LCOR: variants seen among roughly 807,000 people sequenced by gnomAD.
The protein encoded by LCOR is ligand-dependent corepressor.
Under a neutral mutation model 64.4 loss-of-function variants are expected in LCOR, and 14 were observed. That is an observed-to-expected ratio of 0.22 (90% confidence interval 0.14 to 0.34). The LOEUF (loss-of-function observed/expected upper bound fraction) is 0.34. Among genes scored for constraint, LCOR ranks in the 10% least tolerant of loss-of-function variants. The pLI, the probability that LCOR is intolerant of heterozygous loss-of-function variation, is 1.00. For missense variants in LCOR, 1,686 were observed against 1,765.3 expected, an observed-to-expected ratio of 0.96 and a Z score of 0.80; for synonymous variants, 643 against 642.5, an observed-to-expected ratio of 1.00 and a Z score of -0.01.
chr10:96,854,098 C>T (rs761947905), intron 2 of LCOR, among the ~76,000 whole-genome samples: 10 of 152,214 alleles, frequency 6.6e-5, no homozygotes, highest in South Asian at 2.1e-4. Flanking sequence ...GACAGAAATA[C>T]GCAAAGAATT....
intron 2 of LCOR, among the ~76,000 whole-genome samples, chr10:96,865,904 A>G (rs973420514): frequency 2.0e-4 from 31 of 151,826 alleles, no homozygotes; most frequent in African/African-American, 6.0e-4. Context: ...GGAAAAAGAA[A>G]TAGAGCACTG....
Position 96,984,387 on chromosome 10 carries a change from T to G in LCOR, c.3927T>G (p.Ile1309Met). The change falls in exon 8 of 8, where the codon ATT (isoleucine) becomes ATG (methionine). Residue 1309 changes from isoleucine (I) to methionine (M), a missense_variant. Ile to Met is a conservative substitution (Grantham distance 10). Coordinates refer to ENST00000421806, the MANE Select transcript of LCOR (RefSeq NM_001346516.2). ...ANLPTPASTR[I>M]LRKYSNIRGK... ...TGCCCACTCCAGCCAGTACCCGGATTCTTAGAAAATATTCCAATATTCGAG... is the reference window on the plus strand; with the variant it reads ...TGCCCACTCCAGCCAGTACCCGGATGCTTAGAAAATATTCCAATATTCGAG... 2 of 1,614,174 alleles carry G rather than the reference T, an allele frequency of 1.2e-6. No individual in the cohort carries two copies. The highest frequency in any genetic ancestry group is 1.7e-6 in the Non-Finnish European group (2 of 1,180,030).
At chr10:96,858,034 T>A (rs1491001600) in intron 2 of LCOR, among the ~76,000 whole-genome samples, 3 of 152,188 alleles carry the variant, frequency 2.0e-5, no homozygotes, top group Non-Finnish European at 4.4e-5. Context: ...AAATAAAAAC[T>A]AAGATGAGAA....
At chr10:96,869,237 G>C (rs927695645) in intron 2 of LCOR, among the ~76,000 whole-genome samples, 3 of 152,056 alleles carry the variant, frequency 2.0e-5, no homozygotes, top group African/African-American at 7.2e-5. Context: ...CGGGGGGTCA[G>C]AGTTGTGCTC....
intron 2 of LCOR, among the ~76,000 whole-genome samples, chr10:96,861,878 T>C (rs1367549082): frequency 6.6e-6 from 1 of 152,142 alleles, no homozygotes; most frequent in Non-Finnish European, 1.5e-5. Flanking sequence ...TACCTGGAGA[T>C]ACCATCAGAT....
At chr10:96,976,817 T>C (rs568258605) in intron 7 of LCOR, among the ~76,000 whole-genome samples, 2 of 152,362 alleles carry the variant, frequency 1.3e-5, no homozygotes, top group South Asian at 4.1e-4. Flanking sequence ...ATCTCATTAA[T>C]TCCAAGCACT....
chr10:96,890,432 A>G (rs929355909), intron 2 of LCOR, among the ~76,000 whole-genome samples: 3 of 152,178 alleles, frequency 2.0e-5, no homozygotes, highest in Admixed American at 6.5e-5. Flanking sequence ...AACCTTGCTG[A>G]ACCTGTTTAT....
At chr10:96,954,983 A>G (rs1847741923) in intron 7 of LCOR, 1 of 1,614,106 alleles carries the variant, frequency 6.2e-7, no homozygotes, top group Non-Finnish European at 8.5e-7. Flanking sequence ...AGTACCGCCC[A>G]GACGGACTTC....
At chr10:96,872,917 C>CT (rs1846096324) in intron 2 of LCOR, among the ~76,000 whole-genome samples, 1 of 151,560 alleles carries the variant, frequency 6.6e-6, no homozygotes, top group African/African-American at 2.4e-5. Context: ...AAAACAGTAA[C>CT]TATGTTTTTT....
At chr10:96,883,996 A>G (rs1039381766) in intron 2 of LCOR, among the ~76,000 whole-genome samples, 1 of 152,170 alleles carries the variant, frequency 6.6e-6, no homozygotes, top group Non-Finnish European at 1.5e-5. Flanking sequence ...TGGTTATTAC[A>G]TATACCATAT....
chr10:96,887,260 A>G (rs541798191), intron 2 of LCOR, among the ~76,000 whole-genome samples: 1 of 152,238 alleles, frequency 6.6e-6, no homozygotes, highest in African/African-American at 2.4e-5. Flanking sequence ...AATGCCCACA[A>G]TGAAACAGTG....
intron 4 of LCOR, among the ~76,000 whole-genome samples, chr10:96,937,725 G>A (rs941206710): frequency 6.6e-6 from 1 of 152,100 alleles, no homozygotes; most frequent in Non-Finnish European, 1.5e-5. Context: ...CAAAGTATAG[G>A]AGAAGAGAGA....
chr10:96,863,206 GTT>G (rs869227042), intron 2 of LCOR, among the ~76,000 whole-genome samples: 5 of 125,756 alleles, frequency 4.0e-5, no homozygotes, highest in Admixed American at 1.7e-4. Flanking sequence ...TTCTTTTTCT[GTT>G]TTTTTTTTTT....
At chr10:96,841,058 C>T (rs986509466) in intron 2 of LCOR, among the ~76,000 whole-genome samples, 1 of 152,174 alleles carries the variant, frequency 6.6e-6, no homozygotes, top group Non-Finnish European at 1.5e-5. Context: ...GTGGGAGGAT[C>T]GCTTGAGCCC....
intron 7 of LCOR, chr10:96,955,989 A>G (rs1847766409): frequency 6.5e-7 from 1 of 1,533,866 alleles, no homozygotes; most frequent in South Asian, 1.3e-5. Flanking sequence ...TTCAGCTATC[A>G]TTGCTTGCAC....
chr10:96,861,942 T>A (rs1283825697), intron 2 of LCOR, among the ~76,000 whole-genome samples: 1 of 152,202 alleles, frequency 6.6e-6, no homozygotes, highest in Non-Finnish European at 1.5e-5. Flanking sequence ...CAGACAGCAA[T>A]CTTAAGTCTG....
At position 96,840,857 on chromosome 10, in the gene LCOR, C is replaced by G. The variant is rs575055484; in HGVS notation, c.-330+7378C>G. Reference sequence around the variant, plus strand: ...TCTGAATCATTGAAAATTAGTCCATCACAGGCCAGGTGGCTCACGCCTGTA... The same window carrying G: ...TCTGAATCATTGAAAATTAGTCCATGACAGGCCAGGTGGCTCACGCCTGTA... On this transcript the variant is annotated intron_variant, in intron 2 of 7. Transcript: ENST00000421806. 4.9e-4 allele frequency among the ~76,000 whole-genome samples: 74 copies of G among 152,352 alleles called. 1 individual carries two copies. In the South Asian group the frequency reaches 0.014, roughly 29 times the overall value.
chr10:96,847,866 A>C, intron 2 of LCOR, among the ~76,000 whole-genome samples: 1 of 152,224 alleles, frequency 6.6e-6, no homozygotes, highest in East Asian at 1.9e-4. Context: ...AAAGAAACTG[A>C]CACTGTGGCA....
chr10:96,970,440 A>G (rs943606895), intron 7 of LCOR, among the ~76,000 whole-genome samples: 1 of 151,642 alleles, frequency 6.6e-6, no homozygotes, highest in Non-Finnish European at 1.5e-5. Context: ...GACTTGAGGT[A>G]TTTTTGCCAA....
Sources: allele counts gnomAD v4.1 joint callset (sites outside exome capture counted in the v4.1 genomes callset), GRCh38; gene constraint gnomAD v4.1.1; transcripts MANE v1.5; gene names NCBI Gene and HGNC (gene_info 2026-07-23, HGNC 2026-07-21).